The following PRKN variants were observed in gnomAD, a reference collection of about 807,000 sequenced individuals.
The protein encoded by PRKN is parkin RBR E3 ubiquitin protein ligase, also known as E3 ubiquitin-protein ligase parkin.
In PRKN, 56 loss-of-function variants were observed where a neutral mutation model predicts 59.5. The ratio of observed to expected loss-of-function variants is 0.94; its 90% CI spans 0.76 to 1.18. The LOEUF (loss-of-function observed/expected upper bound fraction) is 1.18, where lower values mean the gene tolerates loss of function less well. Ranked by LOEUF, PRKN falls within the 50% of genes most tolerant of loss-of-function variation. The probability of loss-of-function intolerance (pLI) is 0.00; values close to 1 mark genes in which losing one functional copy is unlikely to be tolerated. For synonymous variants in PRKN, 250 were observed against 222.1 expected, an observed-to-expected ratio of 1.13 and a Z score of -1.12; for missense variants, 657 against 596.4, an observed-to-expected ratio of 1.10 and a Z score of -1.06.
At chr6:161,695,397 C>T (rs899462781) in intron 7 of PRKN, among the ~76,000 whole-genome samples, 1 of 152,130 alleles carries the variant, frequency 6.6e-6, no homozygotes. Context: ...TTCTTCCGCT[C>T]CTAACACTTT....
chr6:161,991,895 G>A (rs1781662754), intron 5 of PRKN, among the ~76,000 whole-genome samples: 1 of 151,866 alleles, frequency 6.6e-6, no homozygotes, highest in African/African-American at 2.4e-5. Flanking sequence ...ACTATATGAT[G>A]CCTACAAGAA....
intron 5 of PRKN, among the ~76,000 whole-genome samples, chr6:162,017,199 C>A (rs1213607451): frequency 6.6e-6 from 1 of 152,106 alleles, no homozygotes. Flanking sequence ...CTTATGGAGT[C>A]AGCTCCCTAG....
rs1322335449 is a variant in PRKN at position 161,353,511 on chromosome 6, G to C, written c.1286-3300C>G. 3.3e-5 allele frequency among the ~76,000 whole-genome samples: 5 copies of C among 152,234 alleles called. No individual in the cohort carries two copies. The highest frequency in any genetic ancestry group is 6.5e-5 in the Admixed American group (1 of 15,280). ...GGCCCCAGAGGACAGGGTTTGGGGAGCTTCCAGGTTGCTGAACACATGGAG... is the reference window on the plus strand; with the variant it reads ...GGCCCCAGAGGACAGGGTTTGGGGACCTTCCAGGTTGCTGAACACATGGAG... On this transcript the variant is annotated intron_variant, in intron 11 of 11. Coordinates refer to ENST00000366898, the MANE Select transcript of PRKN (RefSeq NM_004562.3). This position sits in a 1 kb window ranked among gnomAD's most constrained non-coding sequence, Gnocchi z 4.8.
At position 162,470,075 on chromosome 6, in the gene PRKN, T is replaced by C. The variant is rs1201692008; in HGVS notation, c.8-26602A>G. 1.3e-5 allele frequency among the ~76,000 whole-genome samples: 2 copies of C among 152,094 alleles called. 1 individual carries two copies. The highest frequency in any genetic ancestry group is 2.9e-5 in the Non-Finnish European group (2 of 68,024). On this transcript the variant is annotated intron_variant, in intron 1 of 11. Transcript: ENST00000366898. ...AAAGGCCTGACTATCAGTGCTGTCC[T>C]GCGAAAGTGAAGCATCTCGTGAGGA...
At chr6:162,061,556 T>G (rs772823611) in intron 4 of PRKN, among the ~76,000 whole-genome samples, 1 of 152,188 alleles carries the variant, frequency 6.6e-6, no homozygotes. Context: ...TTCTAAAGCA[T>G]GTATCGCCCT....
chr6:162,652,126 A>C (rs1778468068), intron 1 of PRKN, among the ~76,000 whole-genome samples: 1 of 152,136 alleles, frequency 6.6e-6, no homozygotes, highest in Admixed American at 6.5e-5. Context: ...TCAATGTAAC[A>C]GCCCCAAATT....
intron 4 of PRKN, among the ~76,000 whole-genome samples, chr6:162,125,191 G>A (rs977254037): frequency 4.6e-5 from 7 of 152,154 alleles, no homozygotes; most frequent in Non-Finnish European, 1.0e-4. Flanking sequence ...CCAACATCGT[G>A]TAGCACATCC....
chr6:162,698,857 A>G (rs559525623), intron 1 of PRKN, among the ~76,000 whole-genome samples: 1 of 152,312 alleles, frequency 6.6e-6, no homozygotes, highest in East Asian at 1.9e-4. Context: ...CTGAGCCCCA[A>G]AGAACTTCTA....
At chr6:162,656,208 A>T (rs767074978) in intron 1 of PRKN, among the ~76,000 whole-genome samples, 9 of 152,244 alleles carry the variant, frequency 5.9e-5, no homozygotes, top group Non-Finnish European at 1.2e-4. Flanking sequence ...CTACATATGT[A>T]TTAATTTAAG....
At chr6:161,435,508 C>T (rs919906010) in intron 9 of PRKN, among the ~76,000 whole-genome samples, 1 of 151,470 alleles carries the variant, frequency 6.6e-6, no homozygotes, top group Non-Finnish European at 1.5e-5. Flanking sequence ...CAAATATTGG[C>T]GCATTAAAAA....
In PRKN at chr6:161,518,717, GC is replaced by G. The variant is rs1406880331; in HGVS notation, c.1083+30136del. Among the ~76,000 whole-genome samples, 4 of 152,200 alleles carry G rather than the reference GC, an allele frequency of 2.6e-5. No individual in the cohort carries two copies. Among genetic ancestry groups the G allele is most frequent in the African/African-American group, 9.7e-5 (4 of 41,450 alleles). On this transcript the variant is annotated intron_variant, in intron 9 of 11. Transcript: ENST00000366898. This position sits in a 1 kb window ranked among gnomAD's most constrained non-coding sequence, Gnocchi z 5.0. Reference sequence around the variant, plus strand: ...ATTGCAAGTTTCCACACATCCTCCTGCCTGCTGCAGAGGGCCGGCGGTGTGC... The same window carrying G: ...ATTGCAAGTTTCCACACATCCTCCTGCTGCTGCAGAGGGCCGGCGGTGTGC...
intron 7 of PRKN, among the ~76,000 whole-genome samples, chr6:161,713,376 C>A (rs780291763): frequency 3.9e-5 from 6 of 152,150 alleles, no homozygotes; most frequent in East Asian, 1.9e-4. Flanking sequence ...ATGGGTGGGG[C>A]TGAAAGTTCC....
At chr6:161,671,822 C>T (rs1784920355) in intron 7 of PRKN, among the ~76,000 whole-genome samples, 1 of 152,062 alleles carries the variant, frequency 6.6e-6, no homozygotes, top group Non-Finnish European at 1.5e-5. Context: ...ATGTTATTAC[C>T]CAGTCCCTTG....
At chr6:162,090,519 G>C (rs1410952081) in intron 4 of PRKN, among the ~76,000 whole-genome samples, 1 of 152,072 alleles carries the variant, frequency 6.6e-6, no homozygotes, top group Non-Finnish European at 1.5e-5. Context: ...ATTATCCATT[G>C]AACTAAATAC....
chr6:162,618,527 G>A (rs915366714), intron 1 of PRKN, among the ~76,000 whole-genome samples: 1 of 152,146 alleles, frequency 6.6e-6, no homozygotes, highest in Non-Finnish European at 1.5e-5. Flanking sequence ...AATCTATCCC[G>A]TGTTCAGGAA....
chr6:161,700,936 T>C (rs1786225763), intron 7 of PRKN, among the ~76,000 whole-genome samples: 1 of 152,218 alleles, frequency 6.6e-6, no homozygotes, highest in African/African-American at 2.4e-5. Flanking sequence ...GGTCAGTATG[T>C]AGCAGCTGAC....
chr6:162,116,648 T>C (rs979647040), intron 4 of PRKN, among the ~76,000 whole-genome samples: 2 of 152,190 alleles, frequency 1.3e-5, no homozygotes, highest in African/African-American at 2.4e-5. Context: ...CATAAGTCAC[T>C]ATGGGTTCAG....
chr6:161,915,114 G>A (rs561865884), intron 6 of PRKN, among the ~76,000 whole-genome samples: 172 of 152,042 alleles, frequency 1.1e-3, no homozygotes, highest in African/African-American at 3.5e-3. Flanking sequence ...GTGAAACCCC[G>A]TCTCTACTAA....
At chr6:162,616,554 T>A (rs1782429461) in intron 1 of PRKN, among the ~76,000 whole-genome samples, 1 of 152,170 alleles carries the variant, frequency 6.6e-6, no homozygotes, top group Non-Finnish European at 1.5e-5. Flanking sequence ...TATAACTCAC[T>A]ACACAGTTTT....
Sources: allele counts gnomAD v4.1 joint callset (sites outside exome capture counted in the v4.1 genomes callset), GRCh38; gene constraint gnomAD v4.1.1; non-coding constraint Gnocchi (gnomAD v3.1); transcripts MANE v1.5; gene names NCBI Gene and HGNC (gene_info 2026-07-23, HGNC 2026-07-21).